PARD3B: variants seen among roughly 807,000 people sequenced by gnomAD.
The protein encoded by PARD3B is partitioning defective 3 homolog B.
In PARD3B, 103 loss-of-function variants were observed where a neutral mutation model predicts 130.2. The observed-to-expected ratio is 0.79, with a 90% CI of 0.67 to 0.93. The LOEUF is 0.93. Ranked by LOEUF, PARD3B falls within the 40% of genes least tolerant of loss-of-function variation. PARD3B has a pLI of 0.00. For missense variants in PARD3B, 1,609 were observed against 1,499.2 expected, an observed-to-expected ratio of 1.07 and a Z score of -1.21; for synonymous variants, 583 against 553.2, an observed-to-expected ratio of 1.05 and a Z score of -0.76.
chr2:205,230,906 C>A lies in PARD3B; in HGVS notation c.2141-14872C>A, dbSNP rs2038803327. On this transcript the variant is annotated intron_variant, in intron 15 of 22. Transcript: ENST00000406610. The surrounding 1 kb of genome is among the most constrained non-coding windows in gnomAD (Gnocchi z 4.1). ...TGCCTGGTGTTGCTTTCCACCATGACAGGGTGGAAAGCACTGAGTTCCAGT... is the reference window on the plus strand; with the variant it reads ...TGCCTGGTGTTGCTTTCCACCATGAAAGGGTGGAAAGCACTGAGTTCCAGT... 6.6e-6 allele frequency among the ~76,000 whole-genome samples: 1 copy of A among 152,022 alleles called. No individual in the cohort carries two copies. Among genetic ancestry groups the A allele is most frequent in the African/African-American group, 2.4e-5 (1 of 41,376 alleles).
At chr2:205,203,355 G>A (rs779084593) in intron 15 of PARD3B, among the ~76,000 whole-genome samples, 1 of 149,826 alleles carries the variant, frequency 6.7e-6, no homozygotes, top group Non-Finnish European at 1.5e-5. Flanking sequence ...TTGTACTGAG[G>A]CTCTGTATCT....
intron 2 of PARD3B, among the ~76,000 whole-genome samples, chr2:204,698,484 T>A (rs973820703): frequency 1.3e-5 from 2 of 152,126 alleles, no homozygotes; most frequent in African/African-American, 4.8e-5. Flanking sequence ...ACTTGGAATT[T>A]TTCCATTTGG....
intron 2 of PARD3B, among the ~76,000 whole-genome samples, chr2:204,735,789 G>A (rs1291520539): frequency 6.6e-6 from 1 of 152,148 alleles, no homozygotes; most frequent in Admixed American, 6.6e-5. Context: ...GGGAAGCATG[G>A]TGTGTTGCAT....
At chr2:204,830,268 C>T (rs1443258817) in intron 2 of PARD3B, among the ~76,000 whole-genome samples, 2 of 152,160 alleles carry the variant, frequency 1.3e-5, no homozygotes, top group Non-Finnish European at 2.9e-5. Flanking sequence ...CCAGATCCCT[C>T]TCCAAAAGTC....
Position 204,610,216 on chromosome 2 carries a change from C to G in PARD3B, c.120+64097C>G, listed in dbSNP as rs1193723780. 6.6e-6 allele frequency among the ~76,000 whole-genome samples: 1 copy of G among 152,132 alleles called. No homozygotes were observed. Among genetic ancestry groups the G allele is most frequent in the Non-Finnish European group, 1.5e-5 (1 of 68,020 alleles). ...AGTCCCCTTGGCCATGAGGGACATC[C>G]ATTCAGACAGTTGGGGGGCTTAGGA... is the stretch of plus-strand genomic sequence containing the variant. On this transcript the variant is annotated intron_variant, in intron 1 of 22. Transcript: ENST00000406610. This position sits in a 1 kb window ranked among gnomAD's most constrained non-coding sequence, Gnocchi z 4.1.
intron 2 of PARD3B, among the ~76,000 whole-genome samples, chr2:204,956,266 T>G (rs1490129707): frequency 6.6e-6 from 1 of 152,248 alleles, no homozygotes; most frequent in Non-Finnish European, 1.5e-5. Context: ...GAGACGATTC[T>G]ATCTTTGCTT....
intron 3 of PARD3B, among the ~76,000 whole-genome samples, chr2:205,039,677 C>T (rs1223800932): frequency 6.6e-6 from 1 of 152,032 alleles, no homozygotes; most frequent in East Asian, 1.9e-4. Context: ...GTCATGTTGG[C>T]CAGGCTGGTC....
At chr2:205,342,103 G>C (rs1267815095) in intron 18 of PARD3B, among the ~76,000 whole-genome samples, 2 of 152,094 alleles carry the variant, frequency 1.3e-5, no homozygotes, top group African/African-American at 4.8e-5. Flanking sequence ...CACAGTGTCT[G>C]ACAGAAAATG....
Position 205,440,649 on chromosome 2 carries a change from C to T in PARD3B, c.3021C>T (p.Tyr1007=). The T allele has an allele frequency of 6.2e-7, 1 of 1,613,620 alleles. No individual in the cohort carries two copies. Among genetic ancestry groups the T allele is most frequent in the Non-Finnish European group, 8.5e-7 (1 of 1,179,594 alleles). The change falls in exon 20 of 23, where the codon TAC becomes TAT. Residue 1007 remains tyrosine, a synonymous_variant. Transcript: ENST00000406610. The surrounding 1 kb of genome is among the most constrained non-coding windows in gnomAD (Gnocchi z 4.2). ...TCTATGCCAAGGTCAACAAGCCATA[C>T]CATCCACTGGTTCCAGCTGACAGGT... ...EGLYAKVNKP[Y]HPLVPADSGR...
intron 2 of PARD3B, among the ~76,000 whole-genome samples, chr2:204,782,438 T>G (rs1235341198): frequency 2.0e-5 from 3 of 151,392 alleles, no homozygotes; most frequent in African/African-American, 7.3e-5. Context: ...TATAGACACA[T>G]TACACATAAG....
intron 21 of PARD3B, among the ~76,000 whole-genome samples, chr2:205,541,266 G>GT (rs1480797282): frequency 2.0e-5 from 3 of 150,538 alleles, no homozygotes; most frequent in Non-Finnish European, 3.0e-5. Context: ...GTTTCTCTGG[G>GT]TTTTTTTCTC....
At chr2:204,620,675 G>A (rs970445281) in intron 1 of PARD3B, among the ~76,000 whole-genome samples, 3 of 152,158 alleles carry the variant, frequency 2.0e-5, no homozygotes, top group African/African-American at 7.2e-5. Context: ...ACAATAAAAA[G>A]CATGTATAGA....
At position 205,418,283 on chromosome 2, in the gene PARD3B, A is replaced by G. The variant is rs148482212; in HGVS notation, c.2741+17160A>G. On this transcript the variant is annotated intron_variant, in intron 19 of 22. Transcript: ENST00000406610. ...AGGATTTGGGTAGATATCTTCTGCTATGATTCACTTTTGACTTTTTAATTT... is the reference window on the plus strand; with the variant it reads ...AGGATTTGGGTAGATATCTTCTGCTGTGATTCACTTTTGACTTTTTAATTT... Among the ~76,000 whole-genome samples the G allele has an allele frequency of 4.1e-3, 630 of 152,288 alleles. 6 individuals are homozygous for G. The highest frequency in any genetic ancestry group is 0.014 in the African/African-American group (602 of 41,558).
intron 21 of PARD3B, among the ~76,000 whole-genome samples, chr2:205,507,194 G>GTTTTT (rs1245448537): frequency 1.3e-3 from 33 of 25,334 alleles, no homozygotes; most frequent in Admixed American, 3.1e-3. Context: ...GACAGGTGCA[G>GTTTTT]TATTTTTTTT....
chr2:205,331,782 CAAAAAAA>C (rs56654511), intron 18 of PARD3B, among the ~76,000 whole-genome samples: 3 of 48,404 alleles, frequency 6.2e-5, no homozygotes, highest in African/African-American at 3.2e-4. Context: ...GACTCCGTCT[CAAAAAAA>C]AAAAAAAAAA....
At chr2:205,494,153 C>T (rs1383929663) in intron 20 of PARD3B, among the ~76,000 whole-genome samples, 1 of 152,148 alleles carries the variant, frequency 6.6e-6, no homozygotes, top group Non-Finnish European at 1.5e-5. Context: ...CAACACCTCT[C>T]CTTCCAAATG....
At chr2:205,545,711 C>G (rs2106472852) in intron 21 of PARD3B, among the ~76,000 whole-genome samples, 1 of 152,248 alleles carries the variant, frequency 6.6e-6, no homozygotes, top group East Asian at 1.9e-4. Context: ...TGTGTCCTAA[C>G]CTATAGAAAC....
chr2:204,666,042 C>T (rs1387520379), intron 1 of PARD3B, among the ~76,000 whole-genome samples: 1 of 152,162 alleles, frequency 6.6e-6, no homozygotes, highest in Non-Finnish European at 1.5e-5. Flanking sequence ...ATGATCTTTT[C>T]CATGCAGCAG....
At chr2:205,511,290 C>CTAAA (rs1475706155) in intron 21 of PARD3B, among the ~76,000 whole-genome samples, 1 of 152,100 alleles carries the variant, frequency 6.6e-6, no homozygotes, top group Non-Finnish European at 1.5e-5. Flanking sequence ...AAACCCAAAC[C>CTAAA]TAAATAGCAA....
Sources: allele counts gnomAD v4.1 joint callset (sites outside exome capture counted in the v4.1 genomes callset), GRCh38; gene constraint gnomAD v4.1.1; non-coding constraint Gnocchi (gnomAD v3.1); transcripts MANE v1.5; gene names NCBI Gene and HGNC (gene_info 2026-07-23, HGNC 2026-07-21).